The following PAPPA variants were observed in gnomAD, a reference collection of about 807,000 sequenced individuals.
PAPPA encodes pappalysin 1.
In PAPPA, 60 loss-of-function variants were observed where a neutral mutation model predicts 164.0. The observed-to-expected ratio is 0.37, with a 90% confidence interval of 0.30 to 0.45. PAPPA has a LOEUF of 0.45. Ranked by LOEUF, PAPPA falls within the 20% of genes least tolerant of loss-of-function variation. The probability of loss-of-function intolerance (pLI) is 1.00; values close to 1 mark genes in which losing one functional copy is unlikely to be tolerated. For synonymous variants in PAPPA, 875 were observed against 814.1 expected, an observed-to-expected ratio of 1.07 and a Z score of -1.27; for missense variants, 1,782 against 2,087.3, an observed-to-expected ratio of 0.85 and a Z score of 2.85.
chr9:116,373,723 T>C (rs1020444286), intron 19 of PAPPA: 2 of 152,172 alleles, frequency 1.3e-5, no homozygotes, highest in African/African-American at 4.8e-5. Flanking sequence ...AGCTATTTTA[T>C]ACTTACAGCT....
In PAPPA at chr9:116,353,753, G is replaced by A; in HGVS notation, c.4307G>A (p.Ser1436Asn). Reference protein sequence around the residue: ...YQCTNGFQFNSECRIKCEDSD... With the variant: ...YQCTNGFQFNNECRIKCEDSD... ...TGTACTAATGGCTTCCAGTTCAACA[G>A]TGAGTGTAGGATCAAGTGTGAAGAC... is the stretch of plus-strand genomic sequence containing the variant. Residue 1436 changes from serine to asparagine, a missense_variant, in exon 17 of 22, where the codon AGT (serine) becomes AAT (asparagine). Around this residue, in one of 2 missense-constraint regions of PAPPA, gnomAD observed 1,324 missense variants for 1,656.9 expected, o/e 0.80. Transcript: ENST00000328252. 6.2e-7 allele frequency: 1 copy of A among 1,614,116 alleles called. No homozygotes were observed. The highest frequency in any genetic ancestry group is 1.1e-5 in the South Asian group (1 of 91,076).
intron 6 of PAPPA, among the ~76,000 whole-genome samples, chr9:116,234,406 G>A (rs908534010): frequency 1.3e-5 from 2 of 152,166 alleles, no homozygotes; most frequent in Non-Finnish European, 2.9e-5. Flanking sequence ...AGGGGAGGAG[G>A]AGAGATAAGA....
Position 116,220,038 on chromosome 9 carries a change from C to A in PAPPA, c.2020C>A (p.Pro674Thr). 6.2e-6 allele frequency: 10 copies of A among 1,614,180 alleles called. No individual in the cohort carries two copies. The highest frequency in any genetic ancestry group is 8.5e-6 in the Non-Finnish European group (10 of 1,180,032). ...CTGGCAGCCCTCCAGGAAACCAGCG[C>A]CTGTTGCCCTCGCCCCCCAAGTTCT... is the stretch of plus-strand genomic sequence containing the variant. ...QGWQPSRKPA[P>T]VALAPQVLGH... Residue 674 changes from proline (P) to threonine (T), a missense_variant, in exon 5 of 22, where the codon CCT becomes ACT. By Grantham distance (38) the Pro-to-Thr change is conservative. Around this residue, in one of 2 missense-constraint regions of PAPPA, gnomAD observed 1,324 missense variants for 1,656.9 expected, o/e 0.80. Transcript: ENST00000328252.
At chr9:116,244,181 G>A (rs969274044) in intron 7 of PAPPA, among the ~76,000 whole-genome samples, 2 of 152,100 alleles carry the variant, frequency 1.3e-5, no homozygotes, top group African/African-American at 4.8e-5. Context: ...CCATAGAAGT[G>A]CTATCTCCAA....
chr9:116,317,045 A>G (rs1845795639), intron 10 of PAPPA, among the ~76,000 whole-genome samples: 1 of 152,148 alleles, frequency 6.6e-6, no homozygotes, highest in Non-Finnish European at 1.5e-5. Context: ...CTTCAATTTC[A>G]ACACAATCTG....
intron 9 of PAPPA, chr9:116,286,471 A>C (rs1845340597): frequency 6.6e-6 from 1 of 152,204 alleles, no homozygotes; most frequent in Admixed American, 6.5e-5. Flanking sequence ...ACACTGCTTT[A>C]AGGGGCATTT....
At chr9:116,199,649 T>C (rs761051249) in intron 2 of PAPPA, among the ~76,000 whole-genome samples, 3 of 152,136 alleles carry the variant, frequency 2.0e-5, no homozygotes, top group Non-Finnish European at 4.4e-5. Context: ...CTCCATTGCC[T>C]AGTATACAAG....
rs746235699 is a variant in PAPPA at position 116,335,006 on chromosome 9, C to T, written c.3543C>T (p.Phe1181=). The part of the protein sequence containing the change: ...VAISGVALRS[F]DNFDPVTLSS... Reference sequence around the variant, plus strand: ...TCTCGGGGGTGGCCCTCCGTTCCTTCGACAACTTTGACCCCGTCACCCTGA... The same window carrying T: ...TCTCGGGGGTGGCCCTCCGTTCCTTTGACAACTTTGACCCCGTCACCCTGA... Residue 1181 remains phenylalanine, a synonymous_variant, in exon 13 of 22, where the codon TTC becomes TTT. Coordinates refer to ENST00000328252, the MANE Select transcript of PAPPA (RefSeq NM_002581.5). 2.0e-5 allele frequency: 33 copies of T among 1,613,086 alleles called. No homozygotes were observed. Among genetic ancestry groups the T allele is most frequent in the East Asian group, 4.5e-5 (2 of 44,784 alleles).
chr9:116,388,571 T>TTAAC (rs1488767444), intron 21 of PAPPA, among the ~76,000 whole-genome samples: 2 of 152,328 alleles, frequency 1.3e-5, no homozygotes, highest in East Asian at 3.9e-4. Context: ...CTGTGACTTA[T>TTAAC]TAACTCTGTG....
At chr9:116,201,772 C>T (rs1006624602) in intron 2 of PAPPA, among the ~76,000 whole-genome samples, 2 of 152,178 alleles carry the variant, frequency 1.3e-5, no homozygotes, top group Admixed American at 6.5e-5. Flanking sequence ...AGGATTTGAA[C>T]GCCAGTTTGT....
chr9:116,195,664 T>G (rs1353508408), intron 2 of PAPPA, among the ~76,000 whole-genome samples: 1 of 152,148 alleles, frequency 6.6e-6, no homozygotes, highest in African/African-American at 2.4e-5. Flanking sequence ...CATAGTGAAG[T>G]CTGAAAATAG....
chr9:116,338,859 T>C (rs1250372067), intron 13 of PAPPA, among the ~76,000 whole-genome samples: 9 of 152,220 alleles, frequency 5.9e-5, no homozygotes, highest in Non-Finnish European at 8.8e-5. Flanking sequence ...GACAACTTTT[T>C]CCTATTTTTC....
chr9:116,276,679 G>A (rs1418094120), intron 9 of PAPPA, among the ~76,000 whole-genome samples: 1 of 152,140 alleles, frequency 6.6e-6, no homozygotes, highest in Non-Finnish European at 1.5e-5. Flanking sequence ...CCCAGACGTG[G>A]AGGCATTCCC....
chr9:116,317,541 T>C (rs1845802340), intron 10 of PAPPA, among the ~76,000 whole-genome samples: 1 of 152,242 alleles, frequency 6.6e-6, no homozygotes, highest in African/African-American at 2.4e-5. Flanking sequence ...AGTAGATTTT[T>C]GTTTTTTATC....
chr9:116,298,003 A>G lies in PAPPA; in HGVS notation c.2954-4754A>G, dbSNP rs555346818. Among the ~76,000 whole-genome samples the G allele has an allele frequency of 3.9e-5, 6 of 152,392 alleles. No homozygotes were observed. The East Asian group carries it at 1.2e-3, about 29-fold the overall frequency. On this transcript the variant is annotated intron_variant, in intron 9 of 21. Coordinates refer to ENST00000328252, the MANE Select transcript of PAPPA (RefSeq NM_002581.5). The stretch of plus-strand genomic sequence containing the variant: ...CCAAGATTAACCAATAATCAGAGAT[A>G]GATCAAGAGCTTGAATCCAGGATTT...
At chr9:116,320,845 T>C (rs1845845914) in intron 10 of PAPPA, among the ~76,000 whole-genome samples, 1 of 152,078 alleles carries the variant, frequency 6.6e-6, no homozygotes, top group African/African-American at 2.4e-5. Context: ...AGTTTGGAAT[T>C]AGAGGCATAA....
intron 10 of PAPPA, among the ~76,000 whole-genome samples, chr9:116,317,341 G>T (rs1026027192): frequency 6.6e-6 from 1 of 152,108 alleles, no homozygotes; most frequent in Non-Finnish European, 1.5e-5. Context: ...ACCCATGAAT[G>T]CCCAGGGACT....
intron 9 of PAPPA, among the ~76,000 whole-genome samples, chr9:116,292,080 G>A (rs1845443389): frequency 6.6e-6 from 1 of 152,184 alleles, no homozygotes; most frequent in South Asian, 2.1e-4. Flanking sequence ...TACTTGTTGT[G>A]TCGATAGATG....
intron 17 of PAPPA, among the ~76,000 whole-genome samples, chr9:116,354,918 G>C (rs1055448773): frequency 5.9e-5 from 9 of 151,542 alleles, no homozygotes; most frequent in African/African-American, 1.9e-4. Context: ...ATGCCAATAA[G>C]ATGGATTTTC....
Sources: gnomAD v4.1 joint callset for allele counts (sites outside exome capture counted in the v4.1 genomes callset) on GRCh38, gnomAD v4.1.1 for gene constraint, gnomAD v4.1.1 regional missense constraint, MANE v1.5 for transcripts, NCBI Gene and HGNC (gene_info 2026-07-23, HGNC 2026-07-21) for gene names.